Variants in FMN2 observed in about 807,000 individuals in gnomAD.
FMN2 encodes the protein formin-2.
In FMN2, 51 loss-of-function variants were observed where a neutral mutation model predicts 142.3. The observed-to-expected ratio is 0.36, with a 90% CI of 0.29 to 0.45. The LOEUF is 0.45. FMN2 is among the 20% of genes least tolerant of loss of function. The pLI, the probability that FMN2 is intolerant of heterozygous loss-of-function variation, is 1.00. For synonymous variants in FMN2, 882 were observed against 869.8 expected, an observed-to-expected ratio of 1.01 and a Z score of -0.25; for missense variants, 1,936 against 2,122.8, an observed-to-expected ratio of 0.91 and a Z score of 1.73.
At chr1:240,374,707 C>T (rs1034303828) in intron 14 of FMN2, among the ~76,000 whole-genome samples, 1 of 152,178 alleles carries the variant, frequency 6.6e-6, no homozygotes. Context: ...AATCGGACCA[C>T]TAAAAATTTT....
At chr1:240,464,846 T>A (rs1369097136) in intron 16 of FMN2, among the ~76,000 whole-genome samples, 1 of 152,130 alleles carries the variant, frequency 6.6e-6, no homozygotes, top group Non-Finnish European at 1.5e-5. Context: ...TAAAGCTTGA[T>A]TTTCTTTGTG....
At chr1:240,168,889 A>G (rs909218543) in intron 2 of FMN2, among the ~76,000 whole-genome samples, 1 of 152,084 alleles carries the variant, frequency 6.6e-6, no homozygotes, top group Non-Finnish European at 1.5e-5. Context: ...TGATCAACAC[A>G]ATTTATATTG....
At chr1:240,175,498 CTTG>C (rs1426903453) in intron 2 of FMN2, among the ~76,000 whole-genome samples, 5 of 152,032 alleles carry the variant, frequency 3.3e-5, no homozygotes, top group South Asian at 2.1e-4. Context: ...TATGTTCTAT[CTTG>C]TTGTTGTTGT....
intron 14 of FMN2, among the ~76,000 whole-genome samples, chr1:240,390,418 C>T (rs991911227): frequency 6.6e-5 from 10 of 152,136 alleles, no homozygotes; most frequent in Non-Finnish European, 1.3e-4. Context: ...AACTTGCTCA[C>T]GCAACTAAGC....
intron 13 of FMN2, among the ~76,000 whole-genome samples, chr1:240,340,967 G>A (rs1180063568): frequency 6.6e-6 from 1 of 152,054 alleles, no homozygotes. Context: ...CCTTTTAGAT[G>A]TACATTGGTC....
chr1:240,116,908 G>A (rs184115426), intron 1 of FMN2, among the ~76,000 whole-genome samples: 93 of 152,234 alleles, frequency 6.1e-4, no homozygotes, highest in African/African-American at 2.0e-3. Flanking sequence ...TTGATGTGAA[G>A]GGAAGCCAAG....
chr1:240,187,946 A>G (rs1346274252), intron 3 of FMN2, among the ~76,000 whole-genome samples: 2 of 152,172 alleles, frequency 1.3e-5, no homozygotes, highest in Admixed American at 6.5e-5. Flanking sequence ...CAATCGAGAC[A>G]AATAAGGATA....
intron 6 of FMN2, among the ~76,000 whole-genome samples, chr1:240,214,550 CAA>C (rs35698298): frequency 0.33 from 40,739 of 122,024 alleles, 6,336 homozygotes; most frequent in African/African-American, 0.47. Flanking sequence ...GACTCCATCT[CAA>C]AAAAAAAAAA....
chr1:240,123,289 G>T lies in FMN2; in HGVS notation c.1726G>T (p.Asp576Tyr), dbSNP rs772206685. 1 of 1,614,010 alleles carries T rather than the reference G, an allele frequency of 6.2e-7. No homozygotes were observed. The highest frequency in any genetic ancestry group is 8.5e-7 in the Non-Finnish European group (1 of 1,180,032). Reference sequence around the variant, plus strand: ...CATGGGTCTTCTCCTTCCTTTTAGTGATTGCTTCAGGGAACCGTGTAATCA... The same window carrying T: ...CATGGGTCTTCTCCTTCCTTTTAGTTATTGCTTCAGGGAACCGTGTAATCA... ...IAMGLLLPFS[D>Y]CFREPCNQNA... Residue 576 changes from aspartate to tyrosine, a missense_variant, in exon 2 of 18, where the codon GAT (aspartate) becomes TAT (tyrosine). Asp to Tyr is a radical substitution (Grantham distance 160, BLOSUM62 -3). Transcript: ENST00000319653.
chr1:240,329,268 G>A, intron 9 of FMN2, 71 bp from the exon 10 acceptor site: 2 of 1,597,548 alleles, frequency 1.3e-6, no homozygotes, highest in Non-Finnish European at 8.6e-7. Context: ...TACTTGTTGT[G>A]AATGAGATGA....
chr1:240,305,001 T>A, intron 8 of FMN2, among the ~76,000 whole-genome samples: 1 of 152,232 alleles, frequency 6.6e-6, no homozygotes, highest in East Asian at 1.9e-4. Flanking sequence ...AATAGATCCC[T>A]GGCACTTTCT....
chr1:240,349,108 A>T (rs1292136168), intron 13 of FMN2, among the ~76,000 whole-genome samples: 1 of 152,160 alleles, frequency 6.6e-6, no homozygotes, highest in Non-Finnish European at 1.5e-5. Context: ...GGCTGATTTT[A>T]TAGTTTTTGT....
chr1:240,318,292 C>T (rs1670857207), intron 8 of FMN2, among the ~76,000 whole-genome samples: 1 of 152,188 alleles, frequency 6.6e-6, no homozygotes, highest in Non-Finnish European at 1.5e-5. Flanking sequence ...CTCAATGGGA[C>T]AGTTTTTCAT....
intron 15 of FMN2, among the ~76,000 whole-genome samples, chr1:240,434,392 G>T (rs901942735): frequency 2.0e-5 from 3 of 152,028 alleles, no homozygotes; most frequent in African/African-American, 4.8e-5. Context: ...CACCCAAGTG[G>T]GTCTCTTTCG....
chr1:240,452,936 C>T (rs12070510), intron 16 of FMN2, among the ~76,000 whole-genome samples: 2,603 of 152,184 alleles, frequency 0.017, 71 homozygotes, highest in African/African-American at 0.06. Flanking sequence ...TTTACAAAGG[C>T]TGAATAAGGT....
chr1:240,406,386 G>C (rs1321526738), intron 15 of FMN2, among the ~76,000 whole-genome samples: 1 of 151,426 alleles, frequency 6.6e-6, no homozygotes, highest in Non-Finnish European at 1.5e-5. Context: ...CTCGGGAGTG[G>C]GGGAATGGGT....
At chr1:240,189,069 G>C (rs1665598541) in intron 4 of FMN2, among the ~76,000 whole-genome samples, 1 of 151,870 alleles carries the variant, frequency 6.6e-6, no homozygotes, top group Non-Finnish European at 1.5e-5. Flanking sequence ...ATGAGATTTG[G>C]CTGGGGACAC....
intron 15 of FMN2, among the ~76,000 whole-genome samples, chr1:240,398,602 G>A (rs779688464): frequency 3.3e-5 from 5 of 152,112 alleles, no homozygotes; most frequent in Admixed American, 2.0e-4. Flanking sequence ...ACGTTTCTCC[G>A]AAGAAATAAG....
chr1:240,209,587 G>A (rs562764639), intron 5 of FMN2, among the ~76,000 whole-genome samples: 1 of 151,022 alleles, frequency 6.6e-6, no homozygotes, highest in East Asian at 2.0e-4. Flanking sequence ...TGACTCTGGA[G>A]CATGATTTAG....
Sources: allele counts gnomAD v4.1 joint callset (sites outside exome capture counted in the v4.1 genomes callset), GRCh38; gene constraint gnomAD v4.1.1; transcripts MANE v1.5; gene names NCBI Gene and HGNC (gene_info 2026-07-23, HGNC 2026-07-21).